Variants in OLFM1 observed in about 807,000 individuals in gnomAD.
OLFM1 encodes the protein olfactomedin 1.
A neutral mutation model predicts 49.7 loss-of-function variants in OLFM1; 9 were observed. That is an observed-to-expected ratio of 0.18 (90% CI 0.11 to 0.32). OLFM1 has a LOEUF of 0.32. Among genes scored for constraint, OLFM1 ranks in the 10% least tolerant of loss-of-function variants. The probability of loss-of-function intolerance (pLI) is 1.00; values close to 1 mark genes in which losing one functional copy is unlikely to be tolerated. For synonymous variants in OLFM1, 240 were observed against 271.8 expected (o/e 0.88, Z 1.15); for missense variants, 369 against 661.8 (o/e 0.56, Z 4.85).
chr9:135,114,780 G>A (rs964397445), intron 5 of OLFM1, among the ~76,000 whole-genome samples: 7 of 152,236 alleles, frequency 4.6e-5, no homozygotes, highest in African/African-American at 9.6e-5. Context: ...AGGCTGGACC[G>A]GCATTCTAGA....
chr9:135,111,890 G>GT (rs939303279), intron 5 of OLFM1, among the ~76,000 whole-genome samples: 2 of 151,948 alleles, frequency 1.3e-5, no homozygotes, highest in Admixed American at 6.5e-5. Flanking sequence ...TTTTCTGTGT[G>GT]TTTTTTAGTA....
At position 135,090,108 on chromosome 9, in the gene OLFM1, G is replaced by T. The variant is rs185392262; in HGVS notation, c.151-87G>T. ...TTTTCCTTGGGGGTGGATGTGGACA[G>T]TTTCCCCTGGTTGTTGGCTCTGATA... On this transcript the variant is annotated intron_variant, in intron 1 of 5. Coordinates refer to ENST00000371793, the MANE Select transcript of OLFM1 (RefSeq NM_001282611.2). 1.4e-4 allele frequency: 183 copies of T among 1,276,256 alleles called. No homozygotes were observed. The African/African-American group carries it at 2.5e-3, about 18-fold the overall frequency. The allele number at this position is 1,276,256 out of a possible 1,614,324, so 79.1% of individuals were successfully genotyped here.
rs565247351 is a variant in OLFM1 at position 135,081,868 on chromosome 9, C to T, written c.96+6066C>T. ...TGCCCGACACGTGCACCCGACACGC[C>T]TGCGGGTCCGGTGACCCCCTTTGTT... On this transcript the variant is annotated intron_variant, in intron 1 of 5. Transcript: ENST00000252854. 4.3e-3 allele frequency among the ~76,000 whole-genome samples: 651 copies of T among 152,332 alleles called. 9 individuals carry two copies. The highest frequency in any genetic ancestry group is 0.015 in the African/African-American group (622 of 41,578).
chr9:135,099,619 G>C (rs943343519), intron 4 of OLFM1, among the ~76,000 whole-genome samples: 3 of 152,132 alleles, frequency 2.0e-5, no homozygotes, highest in Non-Finnish European at 4.4e-5. Flanking sequence ...CTCAGTGAAC[G>C]CACAAAGCTT....
chr9:135,119,321 A>ATCTTTGGAAGTGCTCACGGGG (rs1831152795), intron 5 of OLFM1, among the ~76,000 whole-genome samples, 183 bp from the exon 6 acceptor site: 1 of 98,842 alleles, frequency 1.0e-5, no homozygotes, highest in African/African-American at 4.6e-5. Flanking sequence ...TACTCACTGG[A>ATCTTTGGAAGTGCTCACGGGG]TCTTTGGAAG....
rs1831182080 is a variant in OLFM1 at position 135,121,176 on chromosome 9, A to G, written c.*998A>G. On this transcript the variant is annotated 3_prime_UTR_variant, in exon 6 of 6. Coordinates refer to ENST00000371793, the MANE Select transcript of OLFM1 (RefSeq NM_001282611.2). ...TCTAAGGAACAATAAAAACATTAGG[A>G]GATCTTTTTGCTTCACTTGTCATTT... 1 of 152,210 alleles carries G rather than the reference A, an allele frequency of 6.6e-6. No homozygotes were observed. Among genetic ancestry groups the G allele is most frequent in the African/African-American group, 2.4e-5 (1 of 41,452 alleles). 9.4% of individuals were successfully genotyped at this position (152,210 alleles called of 1,614,324 possible).
At chr9:135,086,967 A>C (rs1357876541), upstream of OLFM1, among the ~76,000 whole-genome samples, 2 of 152,028 alleles carry the variant, frequency 1.3e-5, no homozygotes, top group Admixed American at 1.3e-4. Flanking sequence ...GACCTTATGC[A>C]GCTCCTGCCG....
intron 4 of OLFM1, among the ~76,000 whole-genome samples, chr9:135,099,563 C>T (rs1168672279): frequency 6.6e-6 from 1 of 152,188 alleles, no homozygotes; most frequent in African/African-American, 2.4e-5. Flanking sequence ...CCCTTGGTTT[C>T]CCAGGTTCCC....
intron 4 of OLFM1, among the ~76,000 whole-genome samples, chr9:135,099,038 C>T (rs1830836605): frequency 6.6e-6 from 1 of 152,224 alleles, no homozygotes; most frequent in Non-Finnish European, 1.5e-5. Context: ...ACCCCTTCCT[C>T]GGGTGTGTTT....
intron 1 of OLFM1, among the ~76,000 whole-genome samples, chr9:135,081,333 G>A (rs1347795731): frequency 6.6e-6 from 1 of 152,204 alleles, no homozygotes; most frequent in Non-Finnish European, 1.5e-5. Flanking sequence ...CAGTGCAAAG[G>A]AGGTGCTGGT....
At chr9:135,118,401 G>T (rs1484508714) in intron 5 of OLFM1, among the ~76,000 whole-genome samples, 1 of 115,778 alleles carries the variant, frequency 8.6e-6, no homozygotes, top group African/African-American at 3.4e-5. Context: ...GGTCTTTGGA[G>T]TGCTCGCTGT....
chr9:135,093,481 G>T (rs62573444), intron 2 of OLFM1, among the ~76,000 whole-genome samples: 1,785 of 152,330 alleles, frequency 0.012, 24 homozygotes, highest in African/African-American at 0.037. Context: ...AAGATCAAAT[G>T]AGATAAATAA....
intron 2 of OLFM1, among the ~76,000 whole-genome samples, chr9:135,091,823 ACACT>A (rs76884406): frequency 0.011 from 1,621 of 145,842 alleles, 33 homozygotes; most frequent in African/African-American, 0.036. Flanking sequence ...ATAGTCACAC[ACACT>A]CACAGTCACA....
At chr9:135,081,894 G>A (rs536322741) in intron 1 of OLFM1, among the ~76,000 whole-genome samples, 13 of 152,316 alleles carry the variant, frequency 8.5e-5, no homozygotes, top group African/African-American at 2.6e-4. Flanking sequence ...CCCCTTTGTT[G>A]CACCTGGCAT....
At chr9:135,081,074 C>T (rs1471379464) in intron 1 of OLFM1, among the ~76,000 whole-genome samples, 1 of 152,218 alleles carries the variant, frequency 6.6e-6, no homozygotes, top group Admixed American at 6.5e-5. Flanking sequence ...AGGACTGATA[C>T]CGCATGTCAC....
chr9:135,076,355 C>A, intron 1 of OLFM1: 1 of 1,541,702 alleles, frequency 6.5e-7, no homozygotes. Flanking sequence ...GCTTAATATG[C>A]AGGGCTTGGG....
In OLFM1 at chr9:135,087,976, C is replaced by G; in HGVS notation, c.-14C>G. On this transcript the variant is annotated 5_prime_UTR_variant, in exon 1 of 6. Transcript: ENST00000371793. The stretch of plus-strand genomic sequence containing the variant: ...GCCAGCTCGGAGCGGGCGCTGGAGG[C>G]AGCTCGAGGCGCGATGTCGGTGCCG... 2 of 1,431,200 alleles carry G rather than the reference C, an allele frequency of 1.4e-6. No individual in the cohort carries two copies. Among genetic ancestry groups the G allele is most frequent in the Non-Finnish European group, 1.8e-6 (2 of 1,081,230 alleles). The allele number at this position is 1,431,200 out of a possible 1,614,324, so 88.7% of individuals were successfully genotyped here. A position where few individuals can be genotyped will look rare whatever the true frequency, so the allele number is the denominator to read the frequency against.
At chr9:135,110,081 A>T (rs1420597035) in intron 5 of OLFM1, among the ~76,000 whole-genome samples, 2 of 152,156 alleles carry the variant, frequency 1.3e-5, no homozygotes, top group Non-Finnish European at 2.9e-5. Flanking sequence ...CGGGCCCCAC[A>T]GCCCCTCCTT....
At position 135,076,323 on chromosome 9, in the gene OLFM1, C is replaced by G. The variant is rs181861494; in HGVS notation, c.96+521C>G. The stretch of plus-strand genomic sequence containing the variant: ...AGACCTGGAAGGGCAGCCAGCGTGC[C>G]GGCCAGCTGTGTGCATTGCTGGCTT... On this transcript the variant is annotated intron_variant, in intron 1 of 5. Transcript: ENST00000252854. The G allele has an allele frequency of 8.5e-4, 1,323 of 1,549,796 alleles. 9 individuals are homozygous for G. The African/African-American group carries it at 0.016, about 19-fold the overall frequency.
Sources: allele counts gnomAD v4.1 joint callset (sites outside exome capture counted in the v4.1 genomes callset), GRCh38; gene constraint gnomAD v4.1.1; transcripts MANE v1.5; gene names NCBI Gene and HGNC (gene_info 2026-07-23, HGNC 2026-07-21).